The following ASIC2 variants were observed in gnomAD, a reference collection of about 807,000 sequenced individuals.
ASIC2 encodes acid sensing ion channel subunit 2.
In ASIC2, 25 loss-of-function variants were observed where a neutral mutation model predicts 57.3. The ratio of observed to expected loss-of-function variants is 0.44; its 90% CI spans 0.32 to 0.61. ASIC2 has a LOEUF of 0.61. Among genes scored for constraint, ASIC2 ranks in the 20% least tolerant of loss-of-function variants. The pLI is 0.06. For synonymous variants in ASIC2, 319 were observed against 307.5 expected, an observed-to-expected ratio of 1.04 and a Z score of -0.39; for missense variants, 641 against 738.1, an observed-to-expected ratio of 0.87 and a Z score of 1.52.
intron 1 of ASIC2, among the ~76,000 whole-genome samples, chr17:33,189,944 T>A (rs1233477042): frequency 6.6e-6 from 1 of 152,164 alleles, no homozygotes; most frequent in Non-Finnish European, 1.5e-5. Context: ...AAAGGGTGAA[T>A]GATCTTCCCC....
chr17:33,337,076 G>GA (rs5820031), intron 1 of ASIC2, among the ~76,000 whole-genome samples: 126,275 of 152,006 alleles, frequency 0.83, 52,513 homozygotes, highest in East Asian at 1. Flanking sequence ...TTGTGCTCCT[G>GA]GGGGTCCTGC....
intron 1 of ASIC2, among the ~76,000 whole-genome samples, chr17:33,346,949 C>T (rs927362249): frequency 2.6e-5 from 4 of 152,196 alleles, no homozygotes; most frequent in African/African-American, 4.8e-5. Context: ...GTACAGACAC[C>T]TTTTCAAAAA....
At chr17:33,487,850 G>A (rs1913624789) in intron 1 of ASIC2, among the ~76,000 whole-genome samples, 2 of 152,162 alleles carry the variant, frequency 1.3e-5, no homozygotes, top group Admixed American at 6.5e-5. Flanking sequence ...TTGGACTCTT[G>A]GACCTACATC....
At chr17:33,189,230 C>G (rs1906319974) in intron 1 of ASIC2, among the ~76,000 whole-genome samples, 1 of 152,088 alleles carries the variant, frequency 6.6e-6, no homozygotes, top group Non-Finnish European at 1.5e-5. Flanking sequence ...CCCCCACCCC[C>G]TAACAAAGAA....
At chr17:33,972,628 A>G (rs934998641) in intron 1 of ASIC2, among the ~76,000 whole-genome samples, 4 of 152,220 alleles carry the variant, frequency 2.6e-5, no homozygotes, top group Non-Finnish European at 5.9e-5. Flanking sequence ...CCACTCCCTC[A>G]AGCTAAGGTG....
At chr17:33,091,375 C>A (rs972323074) in intron 2 of ASIC2, among the ~76,000 whole-genome samples, 7 of 152,162 alleles carry the variant, frequency 4.6e-5, no homozygotes, top group Non-Finnish European at 7.4e-5. Context: ...CTGGGAGGAA[C>A]TGAAGGCTCC....
intron 1 of ASIC2, among the ~76,000 whole-genome samples, chr17:34,074,780 TTC>T (rs1491275529): frequency 7.1e-6 from 1 of 140,150 alleles, no homozygotes; most frequent in Admixed American, 7.0e-5. Flanking sequence ...CTTTCTTTCT[TTC>T]TTTTTTTTTT....
intron 1 of ASIC2, among the ~76,000 whole-genome samples, chr17:34,137,079 G>A (rs9899087): frequency 0.13 from 20,183 of 152,094 alleles, 1,531 homozygotes; most frequent in African/African-American, 0.21. Context: ...AATCACTCTC[G>A]CTCCCTCTGC....
At chr17:33,183,754 C>T (rs7216373) in intron 1 of ASIC2, among the ~76,000 whole-genome samples, 16,467 of 152,184 alleles carry the variant, frequency 0.11, 1,283 homozygotes, top group East Asian at 0.2. Flanking sequence ...CCCTCTTGGT[C>T]TATTTTCCTG....
At chr17:33,069,601 C>T (rs1250213381) in intron 3 of ASIC2, among the ~76,000 whole-genome samples, 2 of 151,596 alleles carry the variant, frequency 1.3e-5, no homozygotes, top group Non-Finnish European at 1.5e-5. Context: ...CTTCTTTGTC[C>T]CTGGTGATAT....
At chr17:33,956,079 TAG>T (rs1904725893) in intron 1 of ASIC2, among the ~76,000 whole-genome samples, 1 of 151,986 alleles carries the variant, frequency 6.6e-6, no homozygotes, top group Admixed American at 6.6e-5. Flanking sequence ...AAGTCAGAGG[TAG>T]AGTGCCTGAC....
At chr17:33,214,936 CAG>C (rs1023230041) in intron 1 of ASIC2, among the ~76,000 whole-genome samples, 2 of 152,192 alleles carry the variant, frequency 1.3e-5, no homozygotes, top group Non-Finnish European at 2.9e-5. Context: ...GACATACACC[CAG>C]AGTCACACAG....
chr17:33,251,141 A>C (rs1908867478), intron 1 of ASIC2, among the ~76,000 whole-genome samples: 1 of 152,162 alleles, frequency 6.6e-6, no homozygotes, highest in African/African-American at 2.4e-5. Flanking sequence ...TGGGCTAAAT[A>C]TTTCTAAGTT....
chr17:33,776,476 C>T (rs1161655914), intron 1 of ASIC2, among the ~76,000 whole-genome samples: 2 of 152,214 alleles, frequency 1.3e-5, no homozygotes, highest in African/African-American at 4.8e-5. Context: ...TATTCTGTTT[C>T]AGGAGTCCGA....
chr17:33,528,501 A>G (rs1914956409), intron 1 of ASIC2, among the ~76,000 whole-genome samples: 1 of 152,234 alleles, frequency 6.6e-6, no homozygotes, highest in Non-Finnish European at 1.5e-5. Flanking sequence ...AGAAAGAAGC[A>G]GCATGAATTG....
At chr17:34,097,313 G>A (rs547791124) in intron 1 of ASIC2, among the ~76,000 whole-genome samples, 2 of 152,262 alleles carry the variant, frequency 1.3e-5, no homozygotes, top group East Asian at 1.9e-4. Flanking sequence ...CAGACAAGAA[G>A]TAGGATGCAG....
chr17:33,134,908 C>T (rs1037137605), intron 1 of ASIC2, among the ~76,000 whole-genome samples: 1 of 152,156 alleles, frequency 6.6e-6, no homozygotes, highest in Non-Finnish European at 1.5e-5. Context: ...GAAACTCAAA[C>T]CAGCATCAAC....
chr17:33,576,631 C>T (rs1353295383), intron 1 of ASIC2, among the ~76,000 whole-genome samples: 2 of 152,196 alleles, frequency 1.3e-5, no homozygotes, highest in Admixed American at 6.5e-5. Flanking sequence ...CCTCACAGGG[C>T]ACCTGTGAAG....
At chr17:33,900,296 C>G (rs1036135071) in intron 1 of ASIC2, among the ~76,000 whole-genome samples, 1 of 152,140 alleles carries the variant, frequency 6.6e-6, no homozygotes, top group Admixed American at 6.5e-5. Context: ...CTGGGATATA[C>G]CAGTGAGGGA....
Sources: allele counts gnomAD v4.1 joint callset (sites outside exome capture counted in the v4.1 genomes callset), GRCh38; gene constraint gnomAD v4.1.1; transcripts MANE v1.5; gene names NCBI Gene and HGNC (gene_info 2026-07-23, HGNC 2026-07-21).